Variants in BEAN1 observed in about 807,000 individuals in gnomAD.
BEAN1 encodes protein BEAN1.
A neutral mutation model predicts 17.7 loss-of-function variants in BEAN1; 17 were observed. That is an observed-to-expected ratio of 0.96 (90% CI 0.66 to 1.44). The LOEUF is 1.44. BEAN1 is among the 40% of genes most tolerant of loss of function. The pLI, the probability that BEAN1 is intolerant of heterozygous loss-of-function variation, is 0.00. For synonymous variants in BEAN1, 142 were observed against 151.8 expected (o/e 0.94, Z 0.47); for missense variants, 359 against 374.1 (o/e 0.96, Z 0.33).
At chr16:66,456,615 G>A (rs1210982940) in intron 2 of BEAN1, among the ~76,000 whole-genome samples, 1 of 152,224 alleles carries the variant, frequency 6.6e-6, no homozygotes, top group Non-Finnish European at 1.5e-5. Context: ...GCTTGGTGTG[G>A]GTTCAAGTGG....
chr16:66,454,729 C>CTTTTTTTTTT (rs538469751), intron 2 of BEAN1, among the ~76,000 whole-genome samples: 14 of 83,666 alleles, frequency 1.7e-4, no homozygotes, highest in East Asian at 3.4e-4. Flanking sequence ...TTCTTTCTTT[C>CTTTTTTTTTT]TTTTTTTTTT....
intron 2 of BEAN1, among the ~76,000 whole-genome samples, chr16:66,440,131 T>A (rs1193432301): frequency 1.4e-5 from 2 of 142,974 alleles, no homozygotes; most frequent in African/African-American, 5.2e-5. Context: ...TTCTTTTTTT[T>A]TTTTTTTTTT....
chr16:66,470,069 G>A, intron 3 of BEAN1: 1 of 696,572 alleles, frequency 1.4e-6, no homozygotes, highest in Admixed American at 2.9e-5. Context: ...ACTGCTAAGA[G>A]AGAAACTCAG....
intron 4 of BEAN1, among the ~76,000 whole-genome samples, chr16:66,490,624 G>A (rs981282344): frequency 1.3e-5 from 2 of 151,992 alleles, no homozygotes; most frequent in South Asian, 2.1e-4. Context: ...CCTTCCTGGC[G>A]CTTCCAGCCT....
rs140686994 is a variant in BEAN1, at chr16:66,481,792, C to T, written c.*867C>T. ...TCCAGGTGGCTTCACCACAGTGCTG[C>T]CTGGGCACCTCTCTGAGGCAGAGAA... On this transcript the variant is annotated 3_prime_UTR_variant, in exon 5 of 5. Coordinates refer to ENST00000536005, the MANE Select transcript of BEAN1 (RefSeq NM_001178020.3). This position sits in a 1 kb window ranked among gnomAD's most constrained non-coding sequence, Gnocchi z 4.1. 5.9e-3 allele frequency: 907 copies of T among 152,718 alleles called. 5 individuals are homozygous for T. The highest frequency in any genetic ancestry group is 0.011 in the Non-Finnish European group (742 of 68,326). 9.5% of individuals were successfully genotyped at this position (152,718 alleles called of 1,614,324 possible). A position where few individuals can be genotyped will look rare whatever the true frequency, so the allele number is the denominator to read the frequency against.
intron 2 of BEAN1, among the ~76,000 whole-genome samples, chr16:66,445,050 G>T (rs1327169808): frequency 6.6e-6 from 1 of 152,184 alleles, no homozygotes; most frequent in African/African-American, 2.4e-5. Context: ...CTTTCTGGGT[G>T]CCAGGGTTAC....
chr16:66,478,414 A>C (rs1036707727), intron 4 of BEAN1, among the ~76,000 whole-genome samples: 1 of 152,010 alleles, frequency 6.6e-6, no homozygotes, highest in Non-Finnish European at 1.5e-5. Flanking sequence ...CATCCTGGCT[A>C]ACACGGTGAA....
At chr16:66,479,946 C>G (rs1963921455) in intron 4 of BEAN1, among the ~76,000 whole-genome samples, 1 of 152,174 alleles carries the variant, frequency 6.6e-6, no homozygotes, top group East Asian at 1.9e-4. Flanking sequence ...GCCAGCCCCC[C>G]TCAGGCAGAT....
intron 1 of BEAN1, among the ~76,000 whole-genome samples, chr16:66,430,606 A>G (rs1961760210): frequency 6.6e-6 from 1 of 152,262 alleles, no homozygotes; most frequent in Non-Finnish European, 1.5e-5. Context: ...CACAGGCTAT[A>G]GAATTTTTAG....
chr16:66,480,629 C>T lies in BEAN1; in HGVS notation c.484C>T (p.Pro162Ser), dbSNP rs1963948023. 3 of 1,550,588 alleles carry T rather than the reference C, an allele frequency of 1.9e-6. No individual in the cohort carries two copies. The highest frequency in any genetic ancestry group is 2.6e-6 in the Non-Finnish European group (3 of 1,146,256). The change falls in exon 5 of 5, where the codon CCC (proline) becomes TCC (serine). Residue 162 changes from proline to serine, a missense_variant. By Grantham distance (74) the Pro-to-Ser change is moderately conservative (BLOSUM62 -1). Transcript: ENST00000536005. ...VGPGATQLYV[P>S]TDAPPPYSLT... ...GCCAGGGGCCACTCAGCTGTATGTC[C>T]CCACGGACGCACCACCACCCTACTC...
Position 66,481,308 on chromosome 16 carries a change from C to G in BEAN1, c.*383C>G. 2.5e-6 allele frequency: 1 copy of G among 399,414 alleles called. No homozygotes were observed. Among genetic ancestry groups the G allele is most frequent in the Admixed American group, 4.4e-5 (1 of 22,774 alleles). The allele number at this position is 399,414 out of a possible 1,614,324, so 24.7% of individuals were successfully genotyped here. A position where few individuals can be genotyped will look rare whatever the true frequency, so the allele number is the denominator to read the frequency against. Reference sequence around the variant, plus strand: ...CTCTTCCCTCTCCTGGGCCCGTTTGCCCCTACCCTCGCCCAGCAAGCTGCG... The same window carrying G: ...CTCTTCCCTCTCCTGGGCCCGTTTGGCCCTACCCTCGCCCAGCAAGCTGCG... On this transcript the variant is annotated 3_prime_UTR_variant, in exon 5 of 5. Coordinates refer to ENST00000536005, the MANE Select transcript of BEAN1 (RefSeq NM_001178020.3). This position sits in a 1 kb window ranked among gnomAD's most constrained non-coding sequence, Gnocchi z 4.1.
chr16:66,491,837 T>A (rs529694337), intron 4 of BEAN1, among the ~76,000 whole-genome samples: 2 of 152,258 alleles, frequency 1.3e-5, no homozygotes. Flanking sequence ...ATAATGCTTG[T>A]TTGCCCGCCA....
rs1262460440 is a variant in BEAN1 at position 66,434,205 on chromosome 16, G to T, written c.-82-3390G>T. ...TTGGCCTAGCAGCTGGGGTGGGCCTGCCCCCGACCCCGACCCCAACCCCGA... is the reference window on the plus strand; with the variant it reads ...TTGGCCTAGCAGCTGGGGTGGGCCTTCCCCCGACCCCGACCCCAACCCCGA... On this transcript the variant is annotated intron_variant, in intron 1 of 4. Transcript: ENST00000536005. The surrounding 1 kb of genome is among the most constrained non-coding windows in gnomAD (Gnocchi z 4.3). Among the ~76,000 whole-genome samples the T allele has an allele frequency of 1.3e-5, 2 of 151,258 alleles. No individual in the cohort carries two copies. The highest frequency in any genetic ancestry group is 3.0e-5 in the Non-Finnish European group (2 of 67,788).
At chr16:66,465,469 T>C (rs2142423330) in intron 2 of BEAN1, among the ~76,000 whole-genome samples, 1 of 152,346 alleles carries the variant, frequency 6.6e-6, no homozygotes, top group Non-Finnish European at 1.5e-5. Context: ...AAATTGGTAT[T>C]ATTTCCTTTT....
At chr16:66,457,712 G>C (rs963282638) in intron 2 of BEAN1, among the ~76,000 whole-genome samples, 3 of 151,534 alleles carry the variant, frequency 2.0e-5, no homozygotes, top group Non-Finnish European at 4.4e-5. Flanking sequence ...CCTGTCCCCA[G>C]ACCTCCAACA....
rs1297518974 is a variant in BEAN1, at chr16:66,478,453, T to C, written c.440+743T>C. Among the ~76,000 whole-genome samples the C allele has an allele frequency of 2.6e-5, 4 of 151,166 alleles. No individual in the cohort carries two copies. In the South Asian group the frequency reaches 6.3e-4, roughly 24 times the overall value. Reference sequence around the variant, plus strand: ...CCATCTCTACTAAAAATACAAAAAATTCGCCGGGCGTGGTGGCGGGCGCCT... The same window carrying C: ...CCATCTCTACTAAAAATACAAAAAACTCGCCGGGCGTGGTGGCGGGCGCCT... On this transcript the variant is annotated intron_variant, in intron 4 of 4. Transcript: ENST00000536005.
intron 1 of BEAN1, among the ~76,000 whole-genome samples, chr16:66,430,770 G>A (rs187929272): frequency 1.1e-4 from 16 of 152,188 alleles, no homozygotes; most frequent in Non-Finnish European, 1.9e-4. Context: ...TCTATTGTAT[G>A]CCCACGTCAA....
intron 2 of BEAN1, among the ~76,000 whole-genome samples, chr16:66,459,471 C>T (rs1219302258): frequency 6.6e-6 from 1 of 152,134 alleles, no homozygotes; most frequent in Non-Finnish European, 1.5e-5. Flanking sequence ...AAGCACCTGC[C>T]ACCATGCAAG....
At chr16:66,488,531 A>AC (rs1555522815) in intron 4 of BEAN1, among the ~76,000 whole-genome samples, 4 of 147,846 alleles carry the variant, frequency 2.7e-5, no homozygotes, top group African/African-American at 1.0e-4. Context: ...AAAAAAAAAA[A>AC]AAAAAAAAAC....
Sources: allele counts gnomAD v4.1 joint callset (sites outside exome capture counted in the v4.1 genomes callset), GRCh38; gene constraint gnomAD v4.1.1; non-coding constraint Gnocchi (gnomAD v3.1); transcripts MANE v1.5; gene names NCBI Gene and HGNC (gene_info 2026-07-23, HGNC 2026-07-21).